The following DTX4 variants were observed in gnomAD, a reference collection of about 807,000 sequenced individuals.
DTX4 encodes the protein deltex E3 ubiquitin ligase 4, also known as E3 ubiquitin-protein ligase DTX4.
In DTX4, 28 loss-of-function variants were observed where a neutral mutation model predicts 57.6. The observed-to-expected ratio is 0.49, with a 90% confidence interval of 0.36 to 0.67. The LOEUF is 0.67. DTX4 is among the 30% of genes least tolerant of loss of function. The pLI, the probability that DTX4 is intolerant of heterozygous loss-of-function variation, is 0.00. For synonymous variants in DTX4, 316 were observed against 331.0 expected (o/e 0.95, Z 0.49); for missense variants, 715 against 836.8 (o/e 0.85, Z 1.80).
rs1862803361 is a variant in DTX4 at position 59,206,040 on chromosome 11, G to A, written c.*1131G>A. 1 of 152,246 alleles carries A rather than the reference G, an allele frequency of 6.6e-6. No individual in the cohort carries two copies. Among genetic ancestry groups the A allele is most frequent in the Non-Finnish European group, 1.5e-5 (1 of 68,070 alleles). 9.4% of individuals were successfully genotyped at this position (152,246 alleles called of 1,614,324 possible). A position where few individuals can be genotyped will look rare whatever the true frequency, so the allele number is the denominator to read the frequency against. Reference sequence around the variant, plus strand: ...CAATGAAGACAGAACTGTGCCTGGGGAGATGCAATGAGGTGAGGGCTGAAC... The same window carrying A: ...CAATGAAGACAGAACTGTGCCTGGGAAGATGCAATGAGGTGAGGGCTGAAC... On this transcript the variant is annotated 3_prime_UTR_variant, in exon 9 of 9. Transcript: ENST00000227451.
Position 59,205,995 on chromosome 11 carries a change from C to T in DTX4, c.*1086C>T, listed in dbSNP as rs1248436207. 1 of 152,386 alleles carries T rather than the reference C, an allele frequency of 6.6e-6. No homozygotes were observed. Among genetic ancestry groups the T allele is most frequent in the African/African-American group, 2.4e-5 (1 of 41,458 alleles). The allele number at this position is 152,386 out of a possible 1,614,324, so 9.4% of individuals were successfully genotyped here. A position where few individuals can be genotyped will look rare whatever the true frequency, so the allele number is the denominator to read the frequency against. On this transcript the variant is annotated 3_prime_UTR_variant, in exon 9 of 9. Coordinates refer to ENST00000227451, the MANE Select transcript of DTX4 (RefSeq NM_015177.2). ...CGTTCCTCACCTGTTGCCAACCTAT[C>T]CCGTAGTGAACTGAAACCCCAATGA...
chr11:59,182,945 T>A (rs2135515521), intron 2 of DTX4, among the ~76,000 whole-genome samples: 1 of 152,318 alleles, frequency 6.6e-6, no homozygotes, highest in East Asian at 1.9e-4. Flanking sequence ...AGATTGTGCC[T>A]ACTAAGCAAT....
chr11:59,188,263 G>A (rs1041523815), intron 2 of DTX4, among the ~76,000 whole-genome samples: 1 of 152,100 alleles, frequency 6.6e-6, no homozygotes, highest in African/African-American at 2.4e-5. Flanking sequence ...GGATGGAGGG[G>A]TGGGTAGCAA....
chr11:59,179,646 G>A (rs973598547), intron 1 of DTX4, among the ~76,000 whole-genome samples: 2 of 152,136 alleles, frequency 1.3e-5, no homozygotes, highest in Non-Finnish European at 2.9e-5. Context: ...TTCACTCTTC[G>A]ATTGTCAGCA....
In DTX4 at chr11:59,188,760, C is replaced by G. The variant is rs777832220; in HGVS notation, c.961C>G (p.Leu321Val). The G allele has an allele frequency of 6.2e-7, 1 of 1,614,030 alleles. No individual in the cohort carries two copies. The highest frequency in any genetic ancestry group is 8.5e-7 in the Non-Finnish European group (1 of 1,179,876). ...SGVPTVPVKN[L>V]NGSSPVNPAL... ...GGTCCCCACAGTCCCAGTGAAGAAC[C>G]TAAATGGGTCCAGTCCTGTCAACCC... The change falls in exon 3 of 9, where the codon CTA becomes GTA. Residue 321 changes from leucine to valine, a missense_variant. Coordinates refer to ENST00000227451, the MANE Select transcript of DTX4 (RefSeq NM_015177.2).
In DTX4 at chr11:59,204,778, C is replaced by T. The variant is rs777913604; in HGVS notation, c.1729C>T (p.His577Tyr). ...ESDTVIWNEV[H>Y]HKTEFGSNLT... ...AGACACCGTCATCTGGAATGAGGTCCACCACAAGACAGAGTTTGGCTCTAA... is the reference window on the plus strand; with the variant it reads ...AGACACCGTCATCTGGAATGAGGTCTACCACAAGACAGAGTTTGGCTCTAA... The change falls in exon 9 of 9, where the codon CAC (histidine) becomes TAC (tyrosine). Residue 577 changes from histidine to tyrosine, a missense_variant. Physicochemically the swap from His to Tyr is moderately conservative, Grantham distance 83. Coordinates refer to ENST00000227451, the MANE Select transcript of DTX4 (RefSeq NM_015177.2). The T allele has an allele frequency of 6.2e-7, 1 of 1,613,530 alleles. No homozygotes were observed. Among genetic ancestry groups the T allele is most frequent in the Non-Finnish European group, 8.5e-7 (1 of 1,179,706 alleles).
At chr11:59,197,827 G>C (rs7952261) in intron 7 of DTX4, among the ~76,000 whole-genome samples, 1 of 152,164 alleles carries the variant, frequency 6.6e-6, no homozygotes, top group Non-Finnish European at 1.5e-5. Context: ...AACAGACGAT[G>C]TTCTGGTGAG....
chr11:59,179,041 T>A (rs1476779982), intron 1 of DTX4, among the ~76,000 whole-genome samples: 3 of 151,212 alleles, frequency 2.0e-5, no homozygotes, highest in African/African-American at 7.3e-5. Flanking sequence ...GATAACAGTA[T>A]TGTGTTTAAA....
Position 59,207,747 on chromosome 11 carries a change from C to T in DTX4, c.*2838C>T, listed in dbSNP as rs1862832058. 1 of 152,642 alleles carries T rather than the reference C, an allele frequency of 6.6e-6. No homozygotes were observed. The highest frequency in any genetic ancestry group is 2.1e-4 in the South Asian group (1 of 4,822). The allele number at this position is 152,642 out of a possible 1,614,324, so 9.5% of individuals were successfully genotyped here. On this transcript the variant is annotated 3_prime_UTR_variant, in exon 9 of 9. Transcript: ENST00000227451. ...CCTAGTTTCTCCCTTCCAGAGTCTC[C>T]AGGGATGACAAATTGGATTGGAGAC... is the stretch of plus-strand genomic sequence containing the variant.
intron 7 of DTX4, among the ~76,000 whole-genome samples, chr11:59,198,259 T>C (rs1376957329): frequency 6.6e-6 from 1 of 152,190 alleles, no homozygotes; most frequent in Admixed American, 6.5e-5. Context: ...GGCAGGCGTC[T>C]GAGTTGGCCA....
chr11:59,189,141 C>G, intron 3 of DTX4, 21 bp from the exon 4 acceptor site: 1 of 1,612,382 alleles, frequency 6.2e-7, no homozygotes, highest in East Asian at 2.2e-5. Context: ...TCTTTCCTCA[C>G]CCATGCCCTG....
intron 8 of DTX4, 112 bp downstream of exon 8, chr11:59,199,885 G>A: frequency 1.1e-6 from 1 of 876,546 alleles, no homozygotes; most frequent in Admixed American, 2.6e-5. Context: ...AAAGAGAACT[G>A]TGTCTCTTTT....
At chr11:59,195,109 T>A in intron 6 of DTX4, 99 bp from the exon 7 acceptor site, 1 of 1,272,556 alleles carries the variant, frequency 7.9e-7, no homozygotes, top group Non-Finnish European at 1.1e-6. Flanking sequence ...GTGCATTTTG[T>A]TCCCCTGGCC....
At chr11:59,184,510 AGGTGTCCATGTAGG>A (rs1371449245) in intron 2 of DTX4, among the ~76,000 whole-genome samples, 1 of 152,234 alleles carries the variant, frequency 6.6e-6, no homozygotes, top group Non-Finnish European at 1.5e-5. Flanking sequence ...TATTGTTAAC[AGGTGTCCATGTAGG>A]GGAAGTCAAA....
chr11:59,199,314 G>A (rs577334907), intron 7 of DTX4, among the ~76,000 whole-genome samples: 16 of 152,222 alleles, frequency 1.1e-4, no homozygotes, highest in African/African-American at 4.8e-5. Context: ...AGATGATGAA[G>A]ATGATGGACA....
chr11:59,173,477 C>G (rs904210006), intron 1 of DTX4, among the ~76,000 whole-genome samples: 3 of 152,178 alleles, frequency 2.0e-5, no homozygotes, highest in Non-Finnish European at 4.4e-5. Context: ...ACTACATGCG[C>G]GGAAGCAACA....
chr11:59,191,525 C>G (rs948902259), intron 5 of DTX4, among the ~76,000 whole-genome samples: 2 of 152,222 alleles, frequency 1.3e-5, no homozygotes, highest in Non-Finnish European at 2.9e-5. Flanking sequence ...CCTGAGGGAA[C>G]ATTTGGCCAT....
chr11:59,193,841 G>A (rs114511810), intron 6 of DTX4, among the ~76,000 whole-genome samples: 1,678 of 152,326 alleles, frequency 0.011, 32 homozygotes, highest in African/African-American at 0.038. Context: ...TAAGCGAGTA[G>A]ACTGGAGAAG....
chr11:59,184,403 T>TG (rs150762163), intron 2 of DTX4, among the ~76,000 whole-genome samples: 2,334 of 152,320 alleles, frequency 0.015, 56 homozygotes, highest in African/African-American at 0.048. Context: ...ACAGTTGTCT[T>TG]AAGTTCAAAT....
Sources: gnomAD v4.1 joint callset for allele counts (sites outside exome capture counted in the v4.1 genomes callset) on GRCh38, gnomAD v4.1.1 for gene constraint, MANE v1.5 for transcripts, NCBI Gene and HGNC (gene_info 2026-07-23, HGNC 2026-07-21) for gene names.